The following RANBP2 variants were observed in gnomAD, a reference collection of about 807,000 sequenced individuals.
RANBP2 encodes the protein RAN binding protein 2.
RANBP2 carries 57 observed loss-of-function variants against 303.6 expected under a neutral mutation model. The ratio of observed to expected loss-of-function variants is 0.19; its 90% confidence interval spans 0.15 to 0.23. The LOEUF is 0.23. Among genes scored for constraint, RANBP2 ranks in the 10% least tolerant of loss-of-function variants. The pLI is 1.00. For missense variants in RANBP2, 3,138 were observed against 3,780.8 expected (o/e 0.83, Z 4.46); for synonymous variants, 1,167 against 1,301.5 (o/e 0.90, Z 2.23).
At chr2:109,316,409 C>T in the RANBP2 span, among the ~76,000 whole-genome samples, 21 of 152,302 alleles carry the variant, frequency 1.4e-4, no homozygotes, top group Middle Eastern at 3.4e-3. Context: ...GCTCTGGCTT[C>T]CTGTCTATCA....
chr2:109,262,738 C>A, the RANBP2 span, among the ~76,000 whole-genome samples: 1 of 152,168 alleles, frequency 6.6e-6, no homozygotes, highest in Non-Finnish European at 1.5e-5. Flanking sequence ...TCTCACTTAC[C>A]TCCTTGGTTC....
At chr2:109,420,252 C>T in the RANBP2 span, among the ~76,000 whole-genome samples, 1 of 152,178 alleles carries the variant, frequency 6.6e-6, no homozygotes, top group Non-Finnish European at 1.5e-5. Context: ...AAGAATTAGA[C>T]TCCCTTTTGC....
At chr2:109,643,395 AG>A in the RANBP2 span, among the ~76,000 whole-genome samples, 1 of 152,174 alleles carries the variant, frequency 6.6e-6, no homozygotes, top group African/African-American at 2.4e-5. Context: ...TATAAGTCAC[AG>A]GATGACATAG....
At chr2:109,329,517 C>T in the RANBP2 span, among the ~76,000 whole-genome samples, 1 of 152,228 alleles carries the variant, frequency 6.6e-6, no homozygotes, top group South Asian at 2.1e-4. Context: ...AACAACTGAA[C>T]ACATCCCCCC....
At chr2:109,544,135 C>CCAT in the RANBP2 span, 7 of 1,537,458 alleles carry the variant, frequency 4.6e-6, no homozygotes, top group Non-Finnish European at 6.1e-6. Flanking sequence ...TTCACTCTGG[C>CCAT]TTATGTATTG....
chr2:109,508,992 A>G, the RANBP2 span, among the ~76,000 whole-genome samples: 1 of 152,200 alleles, frequency 6.6e-6, no homozygotes, highest in African/African-American at 2.4e-5. Flanking sequence ...AAGAATACAC[A>G]ACACCAGCAC....
chr2:109,629,355 ATTTTTTTT>A, the RANBP2 span, among the ~76,000 whole-genome samples: 6 of 15,378 alleles, frequency 3.9e-4, 1 homozygote, highest in African/African-American at 8.8e-4. Flanking sequence ...ATATATATAT[ATTTTTTTT>A]TTTTTTTTCA....
chr2:109,692,219 T>C, the RANBP2 span, among the ~76,000 whole-genome samples: 1 of 152,142 alleles, frequency 6.6e-6, no homozygotes, highest in Non-Finnish European at 1.5e-5. Context: ...TGGTACGTGA[T>C]TCTATTTAGG....
intron 9 of RANBP2, among the ~76,000 whole-genome samples, chr2:108,750,605 T>TTCTTTTCTTTTCTTTTA (rs1675805461): frequency 2.0e-5 from 3 of 148,904 alleles, no homozygotes; most frequent in African/African-American, 7.7e-5. Flanking sequence ...TTCTTTTCTT[T>TTCTTTTCTTTTCTTTTA]GAGACAGAGT....
the RANBP2 span, among the ~76,000 whole-genome samples, chr2:108,977,993 C>T: frequency 6.6e-6 from 1 of 152,340 alleles, no homozygotes; most frequent in East Asian, 1.9e-4. Flanking sequence ...CTTCTATTCT[C>T]GTAGAGGAAC....
At chr2:109,729,763 C>T in the RANBP2 span, among the ~76,000 whole-genome samples, 3 of 152,074 alleles carry the variant, frequency 2.0e-5, no homozygotes, top group Admixed American at 1.3e-4. Context: ...AAGTGCAGTG[C>T]GGTGGTATAT....
the RANBP2 span, among the ~76,000 whole-genome samples, chr2:109,305,896 C>T: frequency 6.6e-6 from 1 of 152,226 alleles, no homozygotes; most frequent in East Asian, 1.9e-4. Flanking sequence ...CCAGGAGTTC[C>T]CCTGAGCTCT....
chr2:109,725,456 G>A, the RANBP2 span, among the ~76,000 whole-genome samples: 1 of 152,156 alleles, frequency 6.6e-6, no homozygotes, highest in Non-Finnish European at 1.5e-5. Flanking sequence ...ACTTCACCAT[G>A]GTGCCATGGA....
chr2:109,152,801 G>A, the RANBP2 span, among the ~76,000 whole-genome samples: 228 of 152,316 alleles, frequency 1.5e-3, 1 homozygote, highest in African/African-American at 4.6e-3. Context: ...ATGGTGGGGT[G>A]CCTATCACCG....
chr2:109,516,452 C>T, the RANBP2 span, among the ~76,000 whole-genome samples: 2 of 152,234 alleles, frequency 1.3e-5, no homozygotes, highest in Non-Finnish European at 2.9e-5. Flanking sequence ...GGGCTGAGCA[C>T]TTAGGCCTGT....
At chr2:109,360,397 G>T in the RANBP2 span, among the ~76,000 whole-genome samples, 1 of 152,210 alleles carries the variant, frequency 6.6e-6, no homozygotes, top group South Asian at 2.1e-4. Context: ...CTTTTTGTAG[G>T]CTCGATGTAC....
intron 7 of RANBP2, among the ~76,000 whole-genome samples, chr2:108,745,775 ACAACATCTGC>A (rs1696462632): frequency 6.6e-6 from 1 of 152,108 alleles, no homozygotes; most frequent in African/African-American, 2.4e-5. Context: ...CTCAAATAGG[ACAACATCTGC>A]TGTTGTCCTA....
At chr2:108,927,437 A>G in the RANBP2 span, among the ~76,000 whole-genome samples, 714 of 152,274 alleles carry the variant, frequency 4.7e-3, 2 homozygotes, top group Non-Finnish European at 7.6e-3. Flanking sequence ...CCAGTGTCCA[A>G]CTTCTTTAGT....
At chr2:109,078,100 A>ATATGGCG in the RANBP2 span, among the ~76,000 whole-genome samples, 69 of 70,004 alleles carry the variant, frequency 9.9e-4, 8 homozygotes, top group African/African-American at 2.5e-3. Flanking sequence ...ATATATATAT[A>ATATGGCG]TATATATATA....
Sources: gnomAD v4.1 joint callset for allele counts (sites outside exome capture counted in the v4.1 genomes callset) on GRCh38, gnomAD v4.1.1 for gene constraint, MANE v1.5 for transcripts, NCBI Gene and HGNC (gene_info 2026-07-23, HGNC 2026-07-21) for gene names.